Variants in OR3A2 observed in about 807,000 individuals in gnomAD.
The protein encoded by OR3A2 is olfactory receptor family 3 subfamily A member 2.
For missense variants in OR3A2, 318 were observed against 392.8 expected (o/e 0.81, Z 1.61); for synonymous variants, 126 against 159.3 (o/e 0.79, Z 1.57).
At chr17:3,370,754 C>T (rs1350685419) in intron 2 of OR3A2, among the ~76,000 whole-genome samples, 1 of 151,228 alleles carries the variant, frequency 6.6e-6, no homozygotes, top group African/African-American at 2.4e-5. Flanking sequence ...TCTGGTTTTC[C>T]TAGGCAGAGG....
intron 3 of OR3A2, among the ~76,000 whole-genome samples, chr17:3,295,020 ACT>A (rs1491373841): frequency 3.3e-5 from 5 of 152,062 alleles, no homozygotes; most frequent in African/African-American, 1.2e-4. Context: ...AAAAATAGGA[ACT>A]CTGCAGTCTA....
intron 3 of OR3A2, among the ~76,000 whole-genome samples, chr17:3,301,240 G>T (rs1195818608): frequency 6.6e-6 from 1 of 152,082 alleles, no homozygotes; most frequent in Non-Finnish European, 1.5e-5. Flanking sequence ...TGGTATTTCT[G>T]GTTCTAGTTC....
chr17:3,307,206 G>A (rs769368568), intron 3 of OR3A2, among the ~76,000 whole-genome samples: 3 of 152,238 alleles, frequency 2.0e-5, no homozygotes, highest in Non-Finnish European at 4.4e-5. Flanking sequence ...CTGGAAAGGA[G>A]GAGACCTGCA....
chr17:3,385,226 A>G (rs2049767946), intron 1 of OR3A2, among the ~76,000 whole-genome samples: 1 of 152,188 alleles, frequency 6.6e-6, no homozygotes, highest in Non-Finnish European at 1.5e-5. Flanking sequence ...AAATCTTGTC[A>G]ATTCCTGAAG....
chr17:3,303,797 CAGA>C (rs2048982523), intron 3 of OR3A2, among the ~76,000 whole-genome samples: 1 of 149,396 alleles, frequency 6.7e-6, no homozygotes, highest in South Asian at 2.1e-4. Context: ...GAAGCTGAGG[CAGA>C]AGGATCGCTT....
intron 2 of OR3A2, among the ~76,000 whole-genome samples, chr17:3,349,143 C>T (rs1009231694): frequency 1.9e-4 from 29 of 152,046 alleles, no homozygotes; most frequent in African/African-American, 5.3e-4. Context: ...AAATCACCAG[C>T]TAACATCATA....
chr17:3,366,642 A>C (rs920888108), intron 2 of OR3A2, among the ~76,000 whole-genome samples: 6 of 152,218 alleles, frequency 3.9e-5, no homozygotes, highest in Admixed American at 2.0e-4. Flanking sequence ...ATGATTTTCC[A>C]ATTTGTTTCA....
At position 3,294,958 on chromosome 17, in the gene OR3A2, TG is replaced by T. The variant is rs558076818; in HGVS notation, c.-84-15806del. Among the ~76,000 whole-genome samples the T allele has an allele frequency of 1.6e-4, 24 of 152,278 alleles. No homozygotes were observed. The East Asian group carries it at 4.2e-3, about 27-fold the overall frequency. ...GCAGACTTCAGAGTTTTGTTTTGTT[TG>T]TTTTTTTTAACAGAAGCTTTTTTAA... On this transcript the variant is annotated intron_variant, in intron 3 of 4. Transcript: ENST00000573491.
At chr17:3,356,277 A>C (rs1258031803) in intron 2 of OR3A2, among the ~76,000 whole-genome samples, 1 of 151,514 alleles carries the variant, frequency 6.6e-6, no homozygotes, top group African/African-American at 2.4e-5. Flanking sequence ...CACCACAGTT[A>C]TAGTGTTTTA....
intron 3 of OR3A2, among the ~76,000 whole-genome samples, chr17:3,300,209 C>T (rs1449662713): frequency 1.3e-5 from 2 of 151,994 alleles, no homozygotes; most frequent in Non-Finnish European, 2.9e-5. Context: ...TCTCTGCCCT[C>T]AAGACTCTGA....
At chr17:3,350,007 A>C (rs1000190723) in intron 2 of OR3A2, among the ~76,000 whole-genome samples, 54 of 147,960 alleles carry the variant, frequency 3.6e-4, no homozygotes, top group Non-Finnish European at 3.1e-4. Flanking sequence ...ACAACATACC[A>C]GAATCTCTGG....
intron 2 of OR3A2, among the ~76,000 whole-genome samples, chr17:3,347,739 T>C (rs1217415785): frequency 6.6e-6 from 1 of 152,246 alleles, no homozygotes; most frequent in Non-Finnish European, 1.5e-5. Flanking sequence ...GCATGATTTA[T>C]AGTCCTTTGG....
intron 3 of OR3A2, among the ~76,000 whole-genome samples, chr17:3,308,179 T>C (rs2049011824): frequency 6.6e-6 from 1 of 152,188 alleles, no homozygotes; most frequent in Non-Finnish European, 1.5e-5. Flanking sequence ...CAAAGGCAGG[T>C]GTCTTTACCT....
At chr17:3,354,514 T>C (rs868657596) in intron 2 of OR3A2, among the ~76,000 whole-genome samples, 2 of 151,322 alleles carry the variant, frequency 1.3e-5, no homozygotes, top group East Asian at 1.9e-4. Flanking sequence ...TCTTGGTAGG[T>C]TGTATGTGTC....
chr17:3,362,007 G>A (rs1449464845), intron 2 of OR3A2, among the ~76,000 whole-genome samples: 1 of 151,668 alleles, frequency 6.6e-6, no homozygotes. Flanking sequence ...GCTCTTCCTT[G>A]TACCTCTGGT....
chr17:3,351,120 G>A (rs2150653798), intron 2 of OR3A2, among the ~76,000 whole-genome samples: 1 of 151,284 alleles, frequency 6.6e-6, no homozygotes, highest in Middle Eastern at 3.4e-3. Flanking sequence ...TTGAAAACTG[G>A]CACAAGACAG....
At chr17:3,303,156 C>T (rs34800135) in intron 3 of OR3A2, among the ~76,000 whole-genome samples, 2,448 of 152,132 alleles carry the variant, frequency 0.016, 26 homozygotes, top group Middle Eastern at 0.078. Context: ...GTCTTTCTCA[C>T]GCCATGCATA....
intron 2 of OR3A2, among the ~76,000 whole-genome samples, chr17:3,352,337 G>A (rs556149336): frequency 6.6e-6 from 1 of 151,968 alleles, no homozygotes; most frequent in African/African-American, 2.4e-5. Flanking sequence ...ACAGACCAAT[G>A]TCCTGAAGAG....
chr17:3,326,983 T>C (rs1449071079), intron 3 of OR3A2, among the ~76,000 whole-genome samples: 4 of 87,128 alleles, frequency 4.6e-5, no homozygotes, highest in Non-Finnish European at 8.2e-5. Flanking sequence ...TTCCAAGTCT[T>C]TGCTATTGTG....
Sources: gnomAD v4.1 joint callset for allele counts (sites outside exome capture counted in the v4.1 genomes callset) on GRCh38, gnomAD v4.1.1 for gene constraint, MANE v1.5 for transcripts, NCBI Gene and HGNC (gene_info 2026-07-23, HGNC 2026-07-21) for gene names.